Variants in TMEM170A observed in about 807,000 individuals in gnomAD.
TMEM170A encodes the protein transmembrane protein 170A.
A neutral mutation model predicts 12.8 loss-of-function variants in TMEM170A; 18 were observed. That is an observed-to-expected ratio of 1.41 (90% CI 0.97 to 2.09). The LOEUF (loss-of-function observed/expected upper bound fraction) is 2.09, where lower values mean the gene tolerates loss of function less well. Among genes scored for constraint, TMEM170A ranks in the 30% most tolerant of loss-of-function variants. The pLI is 0.00. For missense variants in TMEM170A, 220 were observed against 179.9 expected, an observed-to-expected ratio of 1.22 and a Z score of -1.28; for synonymous variants, 107 against 76.2, an observed-to-expected ratio of 1.40 and a Z score of -2.11.
intron 1 of TMEM170A, among the ~76,000 whole-genome samples, chr16:75,457,923 T>C (rs183453084): frequency 1.3e-5 from 2 of 152,260 alleles, no homozygotes; most frequent in Admixed American, 6.5e-5. Flanking sequence ...AGTAGAGGAG[T>C]ACAGCTTATA....
rs1255326779 is a variant in TMEM170A, at chr16:75,444,943, CTGTT to C, written c.*2611_*2614del. 2.0e-5 allele frequency: 3 copies of C among 152,256 alleles called. No homozygotes were observed. In the East Asian group the frequency reaches 5.8e-4, roughly 29 times the overall value. The allele number at this position is 152,256 out of a possible 1,614,324, so 9.4% of individuals were successfully genotyped here. ...TCATGTATCAGTACTTCAAAAGTTA[CTGTT>C]TAAGAGGAGGGGCCCACTAACTACT... On this transcript the variant is annotated 3_prime_UTR_variant, in exon 3 of 3. Coordinates refer to ENST00000561878, the MANE Select transcript of TMEM170A (RefSeq NM_145254.3).
At chr16:75,451,219 A>G (rs2079674665) in intron 2 of TMEM170A, among the ~76,000 whole-genome samples, 1 of 143,942 alleles carries the variant, frequency 6.9e-6, no homozygotes, top group East Asian at 2.0e-4. Flanking sequence ...TTAGCCAAGT[A>G]ATAGGACCTT....
At position 75,444,961 on chromosome 16, in the gene TMEM170A, C is replaced by A. The variant is rs994738272; in HGVS notation, c.*2597G>T. On this transcript the variant is annotated 3_prime_UTR_variant, in exon 3 of 3. Transcript: ENST00000561878. ...AAAGTTACTGTTTAAGAGGAGGGGC[C>A]CACTAACTACTGGTCTATATGTTTA... 9 of 152,142 alleles carry A rather than the reference C, an allele frequency of 5.9e-5. No homozygotes were observed. Among genetic ancestry groups the A allele is most frequent in the Non-Finnish European group, 7.4e-5 (5 of 68,006 alleles). The allele number at this position is 152,142 out of a possible 1,614,324, so 9.4% of individuals were successfully genotyped here. A position where few individuals can be genotyped will look rare whatever the true frequency, so the allele number is the denominator to read the frequency against.
rs148853826 is a variant in TMEM170A, at chr16:75,464,504, G to C, written c.97C>G (p.Leu33Val). The C allele has an allele frequency of 1.4e-4, 223 of 1,581,928 alleles. No homozygotes were observed. The highest frequency in any genetic ancestry group is 1.7e-4 in the Non-Finnish European group (204 of 1,166,948). The change falls in exon 1 of 3, where the codon CTG becomes GTG. Residue 33 changes from leucine to valine, a missense_variant. Transcript: ENST00000561878. ...CAGAGGGAAGTAGAGTTGGGGCACAGGGTCCCGTTGCCCACCCGCGGCACA... is the reference window on the plus strand; with the variant it reads ...CAGAGGGAAGTAGAGTTGGGGCACACGGTCCCGTTGCCCACCCGCGGCACA... ...KVVPRVGNGT[L>V]CPNSTSLCSF...
chr16:75,463,625 G>C (rs1047648422), intron 1 of TMEM170A, among the ~76,000 whole-genome samples: 2 of 152,222 alleles, frequency 1.3e-5, no homozygotes, highest in African/African-American at 4.8e-5. Context: ...CCTCTGCTGG[G>C]AGCCCCACCT....
chr16:75,450,926 T>C (rs2079669846), intron 2 of TMEM170A, among the ~76,000 whole-genome samples: 1 of 152,154 alleles, frequency 6.6e-6, no homozygotes, highest in South Asian at 2.1e-4. Flanking sequence ...CCTCCCAAAG[T>C]GCTGGGATTA....
intron 1 of TMEM170A, among the ~76,000 whole-genome samples, chr16:75,455,168 T>A (rs1255321579): frequency 6.6e-6 from 1 of 152,052 alleles, no homozygotes; most frequent in East Asian, 1.9e-4. Flanking sequence ...CCATCCTGGC[T>A]AACACGGTAA....
intron 2 of TMEM170A, among the ~76,000 whole-genome samples, chr16:75,450,180 C>CAAAAAAAAAAAAAA (rs34044750): frequency 8.6e-6 from 1 of 116,284 alleles, no homozygotes; most frequent in African/African-American, 3.0e-5. Context: ...CACTTTCTCT[C>CAAAAAAAAAAAAAA]AAAAAAAAAA....
chr16:75,454,344 C>A (rs188566929), intron 1 of TMEM170A, among the ~76,000 whole-genome samples: 1 of 152,144 alleles, frequency 6.6e-6, no homozygotes. Flanking sequence ...GATGGCCGGG[C>A]GTGGTAGCTC....
At chr16:75,462,560 T>C (rs2079926695) in intron 1 of TMEM170A, among the ~76,000 whole-genome samples, 1 of 152,210 alleles carries the variant, frequency 6.6e-6, no homozygotes, top group Non-Finnish European at 1.5e-5. Flanking sequence ...GTCACCTAGG[T>C]AGGTAGCGTT....
chr16:75,445,415 T>A lies in TMEM170A; in HGVS notation c.*2143A>T, dbSNP rs1388906639. The A allele has an allele frequency of 6.6e-6, 1 of 152,224 alleles. No homozygotes were observed. Among genetic ancestry groups the A allele is most frequent in the Non-Finnish European group, 1.5e-5 (1 of 68,074 alleles). The allele number at this position is 152,224 out of a possible 1,614,324, so 9.4% of individuals were successfully genotyped here. A position where few individuals can be genotyped will look rare whatever the true frequency, so the allele number is the denominator to read the frequency against. On this transcript the variant is annotated 3_prime_UTR_variant, in exon 3 of 3. Coordinates refer to ENST00000561878, the MANE Select transcript of TMEM170A (RefSeq NM_145254.3). ...GCCTGAACCTCCCAGGCACAAGTGA[T>A]CCTCCCACTTTAGCCTCTTGGGTAG...
intron 2 of TMEM170A, among the ~76,000 whole-genome samples, chr16:75,450,435 T>C (rs942755422): frequency 2.6e-5 from 4 of 152,170 alleles, no homozygotes; most frequent in Admixed American, 2.0e-4. Flanking sequence ...TCAGTTTATA[T>C]AAAATACACA....
chr16:75,449,926 G>A (rs573518140), intron 2 of TMEM170A, among the ~76,000 whole-genome samples: 50 of 152,252 alleles, frequency 3.3e-4, no homozygotes, highest in Non-Finnish European at 1.6e-4. Flanking sequence ...AAATGGAAAG[G>A]GAACAGACTA....
intron 1 of TMEM170A, among the ~76,000 whole-genome samples, chr16:75,456,863 G>A (rs370340750): frequency 2.6e-5 from 4 of 152,054 alleles, no homozygotes; most frequent in African/African-American, 7.2e-5. Flanking sequence ...ACCACCCACC[G>A]CCAGCTCATC....
chr16:75,459,138 C>T (rs1288666902), intron 1 of TMEM170A, among the ~76,000 whole-genome samples: 1 of 152,186 alleles, frequency 6.6e-6, no homozygotes, highest in Non-Finnish European at 1.5e-5. Flanking sequence ...AGGTGATCCA[C>T]CCGCCTTGGC....
chr16:75,463,837 G>T (rs575236457), intron 1 of TMEM170A, among the ~76,000 whole-genome samples: 24 of 152,344 alleles, frequency 1.6e-4, no homozygotes, highest in Non-Finnish European at 3.1e-4. Flanking sequence ...CAGCGGGGAG[G>T]AAGAGTTCAA....
At chr16:75,462,468 C>G (rs1451972664) in intron 1 of TMEM170A, among the ~76,000 whole-genome samples, 1 of 152,232 alleles carries the variant, frequency 6.6e-6, no homozygotes, top group African/African-American at 2.4e-5. Flanking sequence ...CTCAGCCTCC[C>G]AAAGTGCTGG....
chr16:75,451,238 A>G (rs1415161194), intron 2 of TMEM170A, among the ~76,000 whole-genome samples: 1 of 34,034 alleles, frequency 2.9e-5, no homozygotes, highest in African/African-American at 6.7e-5. Context: ...TTGGGGGTGG[A>G]AAAAAAAAAT....
chr16:75,464,535 C>G lies in TMEM170A; in HGVS notation c.66G>C (p.Leu22=). Residue 22 remains leucine, a synonymous_variant, in exon 1 of 3, where the codon CTG becomes CTC. Transcript: ENST00000561878. ...CGTTGCCCACCCGCGGCACAACCTT[C>G]AGGCTCAGGATCTGCTGCAGGAGCC... ...SAGLLQQILS[L]KVVPRVGNGT... is the part of the protein sequence containing the mutation. 1 of 1,588,938 alleles carries G rather than the reference C, an allele frequency of 6.3e-7. No individual in the cohort carries two copies. The highest frequency in any genetic ancestry group is 8.5e-7 in the Non-Finnish European group (1 of 1,170,136).
Sources: gnomAD v4.1 joint callset for allele counts (sites outside exome capture counted in the v4.1 genomes callset) on GRCh38, gnomAD v4.1.1 for gene constraint, MANE v1.5 for transcripts, NCBI Gene and HGNC (gene_info 2026-07-23, HGNC 2026-07-21) for gene names.